The following FRAS1 variants were observed in gnomAD, a reference collection of about 807,000 sequenced individuals.
FRAS1 encodes extracellular matrix organizing protein FRAS1.
In FRAS1, 290 loss-of-function variants were observed where a neutral mutation model predicts 435.2. The ratio of observed to expected loss-of-function variants is 0.67; its 90% CI spans 0.61 to 0.73. The LOEUF is 0.73. Ranked by LOEUF, FRAS1 falls within the 30% of genes least tolerant of loss-of-function variation. FRAS1 has a pLI of 0.00. For missense variants in FRAS1, 4,860 were observed against 5,001.5 expected (o/e 0.97, Z 0.85); for synonymous variants, 1,800 against 1,851.0 (o/e 0.97, Z 0.71).
intron 20 of FRAS1, among the ~76,000 whole-genome samples, chr4:78,342,188 C>T (rs1175918337): frequency 6.6e-6 from 1 of 152,180 alleles, no homozygotes; most frequent in South Asian, 2.1e-4. Flanking sequence ...TATGTCCAAG[C>T]GCCTCCAGGG....
chr4:78,249,048 G>GATATATATATATATATGCATAT (rs1268017507), intron 4 of FRAS1, among the ~76,000 whole-genome samples: 1 of 27,528 alleles, frequency 3.6e-5, no homozygotes, highest in Non-Finnish European at 8.6e-5. Flanking sequence ...AAGAACTACT[G>GATATATATATATATATGCATAT]ATATATATAT....
intron 4 of FRAS1, among the ~76,000 whole-genome samples, chr4:78,249,346 T>TTTGTG (rs1725425402): frequency 9.3e-6 from 1 of 107,422 alleles, no homozygotes; most frequent in Non-Finnish European, 2.0e-5. Context: ...TTTTTTTTTT[T>TTTGTG]GAGATGGAGT....
chr4:78,209,409 T>A (rs1008986936), intron 2 of FRAS1, among the ~76,000 whole-genome samples: 2 of 152,114 alleles, frequency 1.3e-5, no homozygotes, highest in Admixed American at 6.6e-5. Context: ...GGCAGGAGAA[T>A]GAGGTAGGGA....
intron 2 of FRAS1, among the ~76,000 whole-genome samples, chr4:78,087,207 T>TG (rs1741227551): frequency 6.6e-6 from 1 of 152,172 alleles, no homozygotes; most frequent in Non-Finnish European, 1.5e-5. Context: ...AAAGAAGACC[T>TG]TTGACAAAAT....
chr4:78,359,601 C>A (rs1311602854), intron 20 of FRAS1, among the ~76,000 whole-genome samples: 1 of 151,972 alleles, frequency 6.6e-6, no homozygotes, highest in African/African-American at 2.4e-5. Flanking sequence ...AACATGGGTC[C>A]CACTCAGGTT....
intron 30 of FRAS1, among the ~76,000 whole-genome samples, chr4:78,401,491 T>C (rs1462329764): frequency 6.6e-6 from 1 of 152,196 alleles, no homozygotes; most frequent in African/African-American, 2.4e-5. Context: ...TGAAGGCCAG[T>C]TATTGCATGA....
Position 78,161,742 on chromosome 4 carries a change from C to CAAAAAAAAAAAAAAAAAAAAA in FRAS1, c.109-75758_109-75738dup, listed in dbSNP as rs71214399. 3.2e-3 allele frequency among the ~76,000 whole-genome samples: 79 copies of CAAAAAAAAAAAAAAAAAAAAA among 24,896 alleles called. 1 individual carries two copies. The highest frequency in any genetic ancestry group is 5.9e-3 in the South Asian group (2 of 340). 16.3% of individuals were successfully genotyped at this position (24,896 alleles called of 152,430 possible). A position where few individuals can be genotyped will look rare whatever the true frequency, so the allele number is the denominator to read the frequency against. Reference sequence around the variant, plus strand: ...GGGCAACAAGAGCAAAACTCTGTCTCAAAAAAAAAAAAAAAAAAAAAAAAA... The same window carrying CAAAAAAAAAAAAAAAAAAAAA: ...GGGCAACAAGAGCAAAACTCTGTCTCAAAAAAAAAAAAAAAAAAAAAAAAAAAAAAAAAAAAAAAAAAAAAA... On this transcript the variant is annotated intron_variant, in intron 2 of 73. Coordinates refer to ENST00000512123, the MANE Select transcript of FRAS1 (RefSeq NM_025074.7).
chr4:78,285,001 A>G (rs764347250), intron 13 of FRAS1, among the ~76,000 whole-genome samples: 2 of 152,144 alleles, frequency 1.3e-5, no homozygotes, highest in Admixed American at 6.5e-5. Context: ...AGAGAAATTA[A>G]CCAACTTGCT....
At chr4:78,310,164 G>A (rs1728960350) in intron 15 of FRAS1, among the ~76,000 whole-genome samples, 1 of 152,190 alleles carries the variant, frequency 6.6e-6, no homozygotes, top group Non-Finnish European at 1.5e-5. Flanking sequence ...ATTAGCCTGA[G>A]CATGTTAATC....
intron 2 of FRAS1, chr4:78,181,207 AG>A (rs1339969142): frequency 6.2e-7 from 1 of 1,608,822 alleles, no homozygotes; most frequent in Non-Finnish European, 8.5e-7. Context: ...TATTTTGAAT[AG>A]CCTTCCACTC....
At chr4:78,452,089 G>T in intron 46 of FRAS1, 86 bp from the exon 47 acceptor site, 1 of 1,439,564 alleles carries the variant, frequency 6.9e-7, no homozygotes, top group South Asian at 1.2e-5. Context: ...AGATGACTCT[G>T]ACCTTACTTC....
chr4:78,426,090 A>G lies in FRAS1; in HGVS notation c.4711+1670A>G, dbSNP rs1043765730. 2.6e-5 allele frequency among the ~76,000 whole-genome samples: 4 copies of G among 152,006 alleles called. No individual in the cohort carries two copies. The East Asian group carries it at 7.7e-4, about 29-fold the overall frequency. ...GGTGACAGAGTTAGACCCTGTCTCAAAAAAAAAGTAGATGATCTGCTCAGA... is the reference window on the plus strand; with the variant it reads ...GGTGACAGAGTTAGACCCTGTCTCAGAAAAAAAGTAGATGATCTGCTCAGA... On this transcript the variant is annotated intron_variant, in intron 35 of 73. Transcript: ENST00000512123.
At chr4:78,495,817 A>AT (rs1720493983) in intron 59 of FRAS1, among the ~76,000 whole-genome samples, 1 of 151,842 alleles carries the variant, frequency 6.6e-6, no homozygotes, top group Non-Finnish European at 1.5e-5. Flanking sequence ...ATTCACTAAC[A>AT]TTTTTTTTAA....
At chr4:78,495,348 G>A (rs1720480801) in intron 59 of FRAS1, among the ~76,000 whole-genome samples, 1 of 151,930 alleles carries the variant, frequency 6.6e-6, no homozygotes, top group African/African-American at 2.4e-5. Flanking sequence ...TCCAGTTTTT[G>A]CCTTATGATT....
At chr4:78,261,551 G>C (rs1027899429) in intron 6 of FRAS1, among the ~76,000 whole-genome samples, 1 of 152,126 alleles carries the variant, frequency 6.6e-6, no homozygotes, top group East Asian at 1.9e-4. Context: ...AGCTTAGGAA[G>C]CATTTTCAGA....
chr4:78,331,797 A>C (rs1321433494), intron 18 of FRAS1, among the ~76,000 whole-genome samples: 1 of 152,204 alleles, frequency 6.6e-6, no homozygotes, highest in Non-Finnish European at 1.5e-5. Flanking sequence ...CTTGAGGCTC[A>C]ATGACAAATG....
At chr4:78,463,459 T>C (rs930381518) in intron 47 of FRAS1, among the ~76,000 whole-genome samples, 4 of 152,096 alleles carry the variant, frequency 2.6e-5, no homozygotes, top group Middle Eastern at 6.8e-3. Flanking sequence ...CTGGCTAAAG[T>C]GGGATGGGAG....
At chr4:78,073,748 T>G (rs1178472934) in intron 2 of FRAS1, among the ~76,000 whole-genome samples, 1 of 152,158 alleles carries the variant, frequency 6.6e-6, no homozygotes, top group African/African-American at 2.4e-5. Context: ...CAAATGACAA[T>G]TGAGTTAAGC....
chr4:78,420,615 A>C (rs1320239726), intron 33 of FRAS1, among the ~76,000 whole-genome samples: 1 of 152,140 alleles, frequency 6.6e-6, no homozygotes, highest in African/African-American at 2.4e-5. Flanking sequence ...TACTGTAGCC[A>C]AGGATTATTG....
Sources: gnomAD v4.1 joint callset for allele counts (sites outside exome capture counted in the v4.1 genomes callset) on GRCh38, gnomAD v4.1.1 for gene constraint, MANE v1.5 for transcripts, NCBI Gene and HGNC (gene_info 2026-07-23, HGNC 2026-07-21) for gene names.